The following ARHGAP40 variants were observed in gnomAD, a reference collection of about 807,000 sequenced individuals.
ARHGAP40 encodes the protein rho GTPase-activating protein 40.
Under a neutral mutation model 73.5 loss-of-function variants are expected in ARHGAP40, and 43 were observed. That is an observed-to-expected ratio of 0.58 (90% CI 0.46 to 0.75). ARHGAP40 has a LOEUF of 0.75. Ranked by LOEUF, ARHGAP40 falls within the 30% of genes least tolerant of loss-of-function variation. The pLI is 0.00. For missense variants in ARHGAP40, 734 were observed against 861.8 expected, an observed-to-expected ratio of 0.85 and a Z score of 1.86; for synonymous variants, 300 against 352.8, an observed-to-expected ratio of 0.85 and a Z score of 1.68.
At chr20:38,632,606 A>C (rs2088948249) in intron 5 of ARHGAP40, among the ~76,000 whole-genome samples, 2 of 152,128 alleles carry the variant, frequency 1.3e-5, no homozygotes, top group South Asian at 2.1e-4. Context: ...CATCAGAGAT[A>C]ATTAATATTC....
At position 38,628,429 on chromosome 20, in the gene ARHGAP40, C is replaced by T. The variant is rs889607803; in HGVS notation, c.559-498C>T. ...ACGCCGTTCTCCTGCCTCAGCCTGCCGAGTAGCTGGGACTACAGGCGCCCG... is the reference window on the plus strand; with the variant it reads ...ACGCCGTTCTCCTGCCTCAGCCTGCTGAGTAGCTGGGACTACAGGCGCCCG... On this transcript the variant is annotated intron_variant, in intron 3 of 14. Transcript: ENST00000373345. Among the ~76,000 whole-genome samples the T allele has an allele frequency of 4.6e-5, 7 of 152,168 alleles. No individual in the cohort carries two copies. The South Asian group carries it at 8.3e-4, about 18-fold the overall frequency.
In ARHGAP40 at chr20:38,613,215, GAGATTGGT is replaced by G. The variant is rs545328826; in HGVS notation, c.138-10139_138-10132del. Among the ~76,000 whole-genome samples, 8 of 152,328 alleles carry G rather than the reference GAGATTGGT, an allele frequency of 5.3e-5. No individual in the cohort carries two copies. In the East Asian group the frequency reaches 1.5e-3, roughly 29 times the overall value. On this transcript the variant is annotated intron_variant, in intron 1 of 14. Coordinates refer to ENST00000373345, the Ensembl canonical transcript of ARHGAP40. ...GGGATGCAGTTTGCTATCTCAGATGGAGATTGGTAGATCCTGATCTTCTGTTGGGAATA... is the reference window on the plus strand; with the variant it reads ...GGGATGCAGTTTGCTATCTCAGATGGAGATCCTGATCTTCTGTTGGGAATA...
chr20:38,622,133 G>A (rs1349992050), intron 1 of ARHGAP40, among the ~76,000 whole-genome samples: 1 of 152,146 alleles, frequency 6.6e-6, no homozygotes, highest in Non-Finnish European at 1.5e-5. Flanking sequence ...AAGGCAGCAT[G>A]TGGATGACTT....
chr20:38,601,824 T>G (rs2088734316), exon 1 of ARHGAP40: 2 of 1,179,858 alleles, frequency 1.7e-6, no homozygotes, highest in Non-Finnish European at 2.2e-6. Context: ...TGCATGAGGG[T>G]GTCTGGGAAC....
chr20:38,623,382 T>C, exon 2 of ARHGAP40: 1 of 1,290,726 alleles, frequency 7.7e-7, no homozygotes, highest in Non-Finnish European at 1.0e-6. Flanking sequence ...TCAGGCCGAA[T>C]GGATCAGCTT....
chr20:38,613,840 G>A (rs1319757857), intron 1 of ARHGAP40, among the ~76,000 whole-genome samples: 3 of 152,096 alleles, frequency 2.0e-5, no homozygotes, highest in South Asian at 2.1e-4. Context: ...CCCACAGATC[G>A]GCTCTAGCAG....
chr20:38,606,193 T>A (rs2088769810), intron 1 of ARHGAP40, among the ~76,000 whole-genome samples: 1 of 152,222 alleles, frequency 6.6e-6, no homozygotes, highest in Admixed American at 6.5e-5. Flanking sequence ...TGTGTGATGT[T>A]TCATTTTATG....
chr20:38,615,005 G>T, intron 1 of ARHGAP40: 1 of 1,182,308 alleles, frequency 8.5e-7, no homozygotes, highest in Non-Finnish European at 1.3e-6. Context: ...AAGTCCCGCT[G>T]GGGTTGATCT....
At chr20:38,610,922 C>T (rs1317231294) in intron 1 of ARHGAP40, among the ~76,000 whole-genome samples, 3 of 138,112 alleles carry the variant, frequency 2.2e-5, no homozygotes, top group Non-Finnish European at 4.6e-5. Context: ...CAGAGTCTTG[C>T]TCTGTCACCC....
chr20:38,616,296 C>A (rs1307554638), intron 1 of ARHGAP40, among the ~76,000 whole-genome samples: 2 of 152,248 alleles, frequency 1.3e-5, no homozygotes, highest in Admixed American at 6.5e-5. Flanking sequence ...GCCTTCCCCA[C>A]TGGGGACAAT....
chr20:38,611,211 T>C (rs2088802834), intron 1 of ARHGAP40, among the ~76,000 whole-genome samples: 1 of 152,018 alleles, frequency 6.6e-6, no homozygotes, highest in Non-Finnish European at 1.5e-5. Context: ...TTAACATTAA[T>C]GCTGGTCAGA....
intron 1 of ARHGAP40, chr20:38,614,928 C>G: frequency 1.5e-6 from 2 of 1,358,460 alleles, no homozygotes; most frequent in Non-Finnish European, 2.1e-6. Context: ...AGTCCTGAGA[C>G]TGAGTACTCT....
intron 1 of ARHGAP40, chr20:38,615,186 A>C (rs2088827937): frequency 9.9e-6 from 8 of 806,826 alleles, no homozygotes; most frequent in Non-Finnish European, 1.8e-5. Context: ...GAGCTTGGTA[A>C]GTTCCATGTA....
intron 1 of ARHGAP40, among the ~76,000 whole-genome samples, chr20:38,611,071 G>T (rs1053057110): frequency 6.6e-6 from 1 of 151,890 alleles, no homozygotes; most frequent in Non-Finnish European, 1.5e-5. Flanking sequence ...TGTATTTTTA[G>T]TAGAGATGGG....
exon 13 of ARHGAP40, chr20:38,647,021 C>A: frequency 7.7e-7 from 1 of 1,305,522 alleles, no homozygotes; most frequent in South Asian, 1.2e-5. Context: ...GTGCCTCTCA[C>A]CCCCAGCACC....
At chr20:38,647,030 C>T (rs1285778262) in exon 13 of ARHGAP40, 2 of 1,305,484 alleles carry the variant, frequency 1.5e-6, no homozygotes, top group South Asian at 1.2e-5. Context: ...ACCCCCAGCA[C>T]CAAAGTGGCC....
rs777658299 is a variant in ARHGAP40 at position 38,646,140 on chromosome 20, C to T, written c.1663C>T (p.Arg555Trp). Residue 555 changes from arginine (R) to tryptophan (W), a missense_variant, in exon 12 of 15, where the codon CGG becomes TGG. Physicochemically the swap from Arg to Trp is moderately radical, Grantham distance 101. Transcript: ENST00000373345. The surrounding 1 kb of genome is among the most constrained non-coding windows in gnomAD (Gnocchi z 4.5). Reference sequence around the variant, plus strand: ...CGACGCAGGCCTCAAGACTTGGCTGCGGAGGATGCACGCAGACAGGGACAA... The same window carrying T: ...CGACGCAGGCCTCAAGACTTGGCTGTGGAGGATGCACGCAGACAGGGACAA... The T allele has an allele frequency of 1.5e-6, 2 of 1,303,900 alleles. No homozygotes were observed. Among genetic ancestry groups the T allele is most frequent in the South Asian group, 1.2e-5 (1 of 81,028 alleles). 80.8% of individuals were successfully genotyped at this position (1,303,900 alleles called of 1,614,324 possible).
At chr20:38,648,948 CAGA>C (rs945013813) in intron 14 of ARHGAP40, among the ~76,000 whole-genome samples, 1 of 152,214 alleles carries the variant, frequency 6.6e-6, no homozygotes, top group Non-Finnish European at 1.5e-5. Flanking sequence ...CAGAGAGATG[CAGA>C]AGATTTGTTT....
At chr20:38,650,445 A>T (rs1356164902) in exon 15 of ARHGAP40, 2 of 465,482 alleles carry the variant, frequency 4.3e-6, no homozygotes. Flanking sequence ...GCCCTCTCAG[A>T]ATCCTTTCAG....
Sources: allele counts gnomAD v4.1 joint callset (sites outside exome capture counted in the v4.1 genomes callset), GRCh38; gene constraint gnomAD v4.1.1; non-coding constraint Gnocchi (gnomAD v3.1); transcripts MANE v1.5; gene names NCBI Gene and HGNC (gene_info 2026-07-23, HGNC 2026-07-21).